The following LPCAT3 variants were observed in gnomAD, a reference collection of about 807,000 sequenced individuals.
LPCAT3 encodes lysophosphatidylcholine acyltransferase 3.
In LPCAT3, 21 loss-of-function variants were observed where a neutral mutation model predicts 63.4. The observed-to-expected ratio is 0.33, with a 90% CI of 0.23 to 0.48. The LOEUF (loss-of-function observed/expected upper bound fraction) is 0.48, where lower values mean the gene tolerates loss of function less well. Ranked by LOEUF, LPCAT3 falls within the 20% of genes least tolerant of loss-of-function variation. The probability of loss-of-function intolerance (pLI) is 0.99; values close to 1 mark genes in which losing one functional copy is unlikely to be tolerated. For synonymous variants in LPCAT3, 242 were observed against 227.5 expected (o/e 1.06, Z -0.58); for missense variants, 451 against 590.6 (o/e 0.76, Z 2.45).
In LPCAT3 at chr12:6,977,047, C is replaced by G. The variant is rs782690248; in HGVS notation, c.*12+87G>C. On this transcript the variant is annotated intron_variant, in intron 12 of 12. Coordinates refer to ENST00000261407, the MANE Select transcript of LPCAT3 (RefSeq NM_005768.6). This position sits in a 1 kb window ranked among gnomAD's most constrained non-coding sequence, Gnocchi z 4.5. Reference sequence around the variant, plus strand: ...GCCAGGCTAATCCTTGGAATTCACCCCAGATTTCTAATACTATTGTTTTTT... The same window carrying G: ...GCCAGGCTAATCCTTGGAATTCACCGCAGATTTCTAATACTATTGTTTTTT... 53 of 849,402 alleles carry G rather than the reference C, an allele frequency of 6.2e-5. No individual in the cohort carries two copies. The highest frequency in any genetic ancestry group is 2.6e-5 in the Non-Finnish European group (13 of 509,614). The allele number at this position is 849,402 out of a possible 1,614,324, so 52.6% of individuals were successfully genotyped here.
chr12:6,998,874 A>G (rs1555156297), intron 1 of LPCAT3, among the ~76,000 whole-genome samples: 2 of 152,240 alleles, frequency 1.3e-5, no homozygotes, highest in African/African-American at 4.8e-5. Context: ...CATTAGGTAG[A>G]TAAGAGACTA....
At chr12:6,989,852 A>C (rs1465367974) in intron 1 of LPCAT3, among the ~76,000 whole-genome samples, 2 of 152,172 alleles carry the variant, frequency 1.3e-5, no homozygotes, top group East Asian at 1.9e-4. Flanking sequence ...TCATCTGAAG[A>C]AACAGAAATG....
At chr12:6,976,918 C>A in intron 12 of LPCAT3, 27 bp from the exon 13 acceptor site, 1 of 502,440 alleles carries the variant, frequency 2.0e-6, no homozygotes. Context: ...GTTTGGAAGG[C>A]TGGTTAGTTA....
intron 1 of LPCAT3, among the ~76,000 whole-genome samples, chr12:7,003,851 A>G (rs939019514): frequency 1.3e-5 from 2 of 149,620 alleles, no homozygotes; most frequent in African/African-American, 2.5e-5. Flanking sequence ...GAACCCGGGA[A>G]GCGGAGCTTG....
chr12:7,001,227 T>C (rs1198488874), intron 1 of LPCAT3, among the ~76,000 whole-genome samples: 2 of 150,692 alleles, frequency 1.3e-5, no homozygotes, highest in Non-Finnish European at 3.0e-5. Flanking sequence ...TTCACTCCCC[T>C]TCCAAGGCTC....
At chr12:7,010,733 T>G (rs1309728641) in intron 1 of LPCAT3, among the ~76,000 whole-genome samples, 1 of 152,212 alleles carries the variant, frequency 6.6e-6, no homozygotes, top group Non-Finnish European at 1.5e-5. Context: ...TATACATGCT[T>G]CTGCAAAGAA....
Position 6,977,257 on chromosome 12 carries a change from A to G in LPCAT3, c.1353T>C (p.Tyr451=), listed in dbSNP as rs782273703. 20 of 1,613,014 alleles carry G rather than the reference A, an allele frequency of 1.2e-5. No homozygotes were observed. The Admixed American group carries it at 3.0e-4, about 24-fold the overall frequency. ...LFTWDKWLKV[Y]KSIYFLGHIF... is the part of the protein sequence containing the mutation. ...TGTGGCCAAGGAAATAGATGGATTT[A>G]TACACCTGTGGAGAGAGAGGCCACT... Residue 451 remains tyrosine (Y), a synonymous_variant, in exon 12 of 13, where the codon TAT becomes TAC. Transcript: ENST00000261407. This position sits in a 1 kb window ranked among gnomAD's most constrained non-coding sequence, Gnocchi z 4.5.
In LPCAT3 at chr12:6,977,966, A is replaced by G. The variant is rs1158799250; in HGVS notation, c.1041-221T>C. ...CGTGTGCGCACGAGCCACTTGGTTC[A>G]GCAGCAGTGACTGAGGCTGATGCTG... is the stretch of plus-strand genomic sequence containing the variant. On this transcript the variant is annotated intron_variant, in intron 9 of 12. Coordinates refer to ENST00000261407, the MANE Select transcript of LPCAT3 (RefSeq NM_005768.6). The surrounding 1 kb of genome is among the most constrained non-coding windows in gnomAD (Gnocchi z 4.5). 6.9e-6 allele frequency: 4 copies of G among 582,962 alleles called. No individual in the cohort carries two copies. The highest frequency in any genetic ancestry group is 9.1e-6 in the Non-Finnish European group (3 of 330,164). The allele number at this position is 582,962 out of a possible 1,614,324, so 36.1% of individuals were successfully genotyped here. A position where few individuals can be genotyped will look rare whatever the true frequency, so the allele number is the denominator to read the frequency against.
At position 6,987,819 on chromosome 12, in the gene LPCAT3, T is replaced by A. The variant is rs1269020448; in HGVS notation, c.152-4280A>T. ...TATCTATTCCAGAGTAAAGTCATGA[T>A]GGCTTTATGACGTTCTGAGGTATGT... is the stretch of plus-strand genomic sequence containing the variant. On this transcript the variant is annotated intron_variant, in intron 1 of 12. Coordinates refer to ENST00000261407, the MANE Select transcript of LPCAT3 (RefSeq NM_005768.6). This position sits in a 1 kb window ranked among gnomAD's most constrained non-coding sequence, Gnocchi z 4.1. 1.2e-5 allele frequency: 5 copies of A among 400,692 alleles called. No homozygotes were observed. The highest frequency in any genetic ancestry group is 3.1e-4 in the Middle Eastern group (1 of 3,242). 24.8% of individuals were successfully genotyped at this position (400,692 alleles called of 1,614,324 possible). A position where few individuals can be genotyped will look rare whatever the true frequency, so the allele number is the denominator to read the frequency against.
Position 6,986,069 on chromosome 12 carries a change from C to G in LPCAT3, c.152-2530G>C, listed in dbSNP as rs889831396. On this transcript the variant is annotated intron_variant, in intron 1 of 12. Transcript: ENST00000261407. ...GGATTACAGGCGTGAGCCACCACGC[C>G]CGGCCAACTGGTGTTTTTTTTTTAA... Among the ~76,000 whole-genome samples the G allele has an allele frequency of 2.6e-5, 4 of 152,076 alleles. No individual in the cohort carries two copies. In the South Asian group the frequency reaches 8.3e-4, roughly 32 times the overall value.
At chr12:7,013,000 G>C (rs74371612) in intron 1 of LPCAT3, among the ~76,000 whole-genome samples, 5 of 152,068 alleles carry the variant, frequency 3.3e-5, no homozygotes, top group African/African-American at 1.2e-4. Context: ...TTAAACTCTG[G>C]GTACACTGTG....
At chr12:7,000,728 T>A (rs1946678781) in intron 1 of LPCAT3, among the ~76,000 whole-genome samples, 4 of 151,896 alleles carry the variant, frequency 2.6e-5, no homozygotes, top group Admixed American at 6.6e-5. Context: ...TGAGTATTCT[T>A]TTTTTGAGAC....
chr12:7,008,069 T>C (rs1393933810), intron 1 of LPCAT3, among the ~76,000 whole-genome samples: 2 of 152,138 alleles, frequency 1.3e-5, no homozygotes, highest in Non-Finnish European at 1.5e-5. Context: ...TCAAAGCTTC[T>C]GCTTGCAAAG....
chr12:7,013,548 AG>A (rs1222680818), intron 1 of LPCAT3, among the ~76,000 whole-genome samples: 1 of 152,222 alleles, frequency 6.6e-6, no homozygotes, highest in East Asian at 1.9e-4. Flanking sequence ...TTGTATTGAT[AG>A]GATTGGGTGA....
At chr12:6,993,154 T>C (rs1399785050) in intron 1 of LPCAT3, among the ~76,000 whole-genome samples, 8 of 152,176 alleles carry the variant, frequency 5.3e-5, no homozygotes, top group African/African-American at 1.7e-4. Context: ...ATTCAAAAGG[T>C]TGTCGCCGGG....
At chr12:7,013,063 A>G (rs1946774917) in intron 1 of LPCAT3, among the ~76,000 whole-genome samples, 1 of 152,208 alleles carries the variant, frequency 6.6e-6, no homozygotes, top group Admixed American at 6.5e-5. Context: ...ATAATTACAA[A>G]GTGTAATATA....
At position 6,977,231 on chromosome 12, in the gene LPCAT3, A is replaced by G. The variant is rs921327898; in HGVS notation, c.1379T>C (p.Ile460Thr). ...VYKSIYFLGH[I>T]FFLSLLFILP... Reference sequence around the variant, plus strand: ...TATGAATAGTAGGCTCAGGAAGAAGATGTGGCCAAGGAAATAGATGGATTT... The same window carrying G: ...TATGAATAGTAGGCTCAGGAAGAAGGTGTGGCCAAGGAAATAGATGGATTT... The change falls in exon 12 of 13, where the codon ATC (isoleucine) becomes ACC (threonine). Residue 460 changes from isoleucine to threonine, a missense_variant. By Grantham distance (89) the Ile-to-Thr change is moderately conservative. This residue lies in a region of LPCAT3 where 304 missense variants were observed against 390.8 expected (regional missense o/e 0.78). Coordinates refer to ENST00000261407, the MANE Select transcript of LPCAT3 (RefSeq NM_005768.6). This position sits in a 1 kb window ranked among gnomAD's most constrained non-coding sequence, Gnocchi z 4.5. The G allele has an allele frequency of 6.2e-7, 1 of 1,614,066 alleles. No individual in the cohort carries two copies. Among genetic ancestry groups the G allele is most frequent in the East Asian group, 2.2e-5 (1 of 44,888 alleles).
chr12:6,980,198 C>T (rs1192553638), intron 6 of LPCAT3, among the ~76,000 whole-genome samples: 2 of 152,040 alleles, frequency 1.3e-5, no homozygotes, highest in Non-Finnish European at 2.9e-5. Context: ...TAGGCATGTA[C>T]CACCTTGCCT....
intron 1 of LPCAT3, among the ~76,000 whole-genome samples, chr12:6,990,526 A>AAAATAAATAAATAAAT (rs59048377): frequency 6.9e-6 from 1 of 144,404 alleles, no homozygotes; most frequent in Non-Finnish European, 1.5e-5. Flanking sequence ...AAATTAAAAT[A>AAAATAAATAAATAAAT]AAATAAATAA....
Sources: gnomAD v4.1 joint callset for allele counts (sites outside exome capture counted in the v4.1 genomes callset) on GRCh38, gnomAD v4.1.1 for gene constraint, gnomAD v4.1.1 regional missense constraint, Gnocchi (gnomAD v3.1) non-coding constraint, MANE v1.5 for transcripts, NCBI Gene and HGNC (gene_info 2026-07-23, HGNC 2026-07-21) for gene names.